CSMD1: variants seen among roughly 807,000 people sequenced by gnomAD.
CSMD1 encodes CUB and Sushi multiple domains 1, also known as CUB and sushi domain-containing protein 1.
A neutral mutation model predicts 417.5 loss-of-function variants in CSMD1; 213 were observed. The observed-to-expected ratio is 0.51, with a 90% CI of 0.46 to 0.57. The LOEUF is 0.57. Among genes scored for constraint, CSMD1 ranks in the 20% least tolerant of loss-of-function variants. CSMD1 has a pLI of 0.00. For missense variants in CSMD1, 6,923 were observed against 4,529.7 expected, an observed-to-expected ratio of 1.53 and a Z score of -15.17; for synonymous variants, 2,862 against 1,736.8, an observed-to-expected ratio of 1.65 and a Z score of -16.11.
chr8:4,312,451 G>GTA (rs1554526452), intron 3 of CSMD1, among the ~76,000 whole-genome samples: 8 of 107,568 alleles, frequency 7.4e-5, no homozygotes, highest in African/African-American at 4.6e-4. Flanking sequence ...ATATATATAC[G>GTA]TATATATATG....
rs1158185469 is a variant in CSMD1 at position 3,959,003 on chromosome 8, C to CG, written c.818+38899_818+38900insC. Among the ~76,000 whole-genome samples the CG allele has an allele frequency of 4.6e-5, 7 of 152,296 alleles. No homozygotes were observed. The East Asian group carries it at 1.4e-3, about 29-fold the overall frequency. ...TCTGGGCCTTCTCCCATGCGTCTCCCTCCTCCCTACTCTGCGGCGGCTTCT... is the reference window on the plus strand; with the variant it reads ...TCTGGGCCTTCTCCCATGCGTCTCCCGTCCTCCCTACTCTGCGGCGGCTTCT... On this transcript the variant is annotated intron_variant, in intron 5 of 69. Transcript: ENST00000635120.
In CSMD1 at chr8:4,131,892, A is replaced by G. The variant is rs551206131; in HGVS notation, c.416-99793T>C. On this transcript the variant is annotated intron_variant, in intron 3 of 69. Transcript: ENST00000635120. ...ATTCTCCTGCCTTAGTCTCCCATGT[A>G]GCTGGGACTACAGGTGCCCGCAACC... Among the ~76,000 whole-genome samples the G allele has an allele frequency of 1.6e-4, 24 of 149,264 alleles. 1 individual carries two copies. In the East Asian group the frequency reaches 4.8e-3, roughly 30 times the overall value.
chr8:3,558,003 T>C (rs900511477), intron 10 of CSMD1, among the ~76,000 whole-genome samples: 1 of 152,032 alleles, frequency 6.6e-6, no homozygotes, highest in Non-Finnish European at 1.5e-5. Context: ...GTACCCTGTG[T>C]CCACTCCTCC....
At chr8:4,271,509 G>A (rs948565918) in intron 3 of CSMD1, among the ~76,000 whole-genome samples, 1 of 151,404 alleles carries the variant, frequency 6.6e-6, no homozygotes, top group Non-Finnish European at 1.5e-5. Context: ...ATCAAAATCA[G>A]GAGATCTAAA....
In CSMD1 at chr8:3,223,232, C is replaced by G. The variant is rs1798315420; in HGVS notation, c.4484+497G>C. On this transcript the variant is annotated intron_variant, in intron 28 of 69. Transcript: ENST00000635120. The stretch of plus-strand genomic sequence containing the variant: ...AGTACAAGTTAGCATATTTTTAGGA[C>G]TGATATGTAGTAACTCAGACTTTAC... Among the ~76,000 whole-genome samples, 3 of 152,100 alleles carry G rather than the reference C, an allele frequency of 2.0e-5. No homozygotes were observed. In the South Asian group the frequency reaches 6.2e-4, roughly 31 times the overall value.
At chr8:3,867,723 T>G (rs112781545) in intron 5 of CSMD1, among the ~76,000 whole-genome samples, 4 of 152,246 alleles carry the variant, frequency 2.6e-5, no homozygotes, top group Admixed American at 2.6e-4. Flanking sequence ...TTAATAATAA[T>G]AGCTGCTTAT....
chr8:4,860,021 CAAT>C (rs1563610921), intron 1 of CSMD1, among the ~76,000 whole-genome samples: 1 of 152,000 alleles, frequency 6.6e-6, no homozygotes, highest in Non-Finnish European at 1.5e-5. Context: ...AAATGTCCAA[CAAT>C]GATAGACTGG....
At chr8:3,569,401 C>T (rs1228439247) in intron 10 of CSMD1, among the ~76,000 whole-genome samples, 4 of 151,988 alleles carry the variant, frequency 2.6e-5, no homozygotes, top group African/African-American at 9.7e-5. Flanking sequence ...ACAGTCAAAG[C>T]CGAGATAAGA....
chr8:4,140,441 T>G (rs1292156450), intron 3 of CSMD1, among the ~76,000 whole-genome samples: 1 of 150,872 alleles, frequency 6.6e-6, no homozygotes, highest in Non-Finnish European at 1.5e-5. Context: ...GAGGTTGCCG[T>G]GAGCCAAGAT....
chr8:4,120,233 C>T (rs1443094055), intron 3 of CSMD1, among the ~76,000 whole-genome samples: 1 of 152,060 alleles, frequency 6.6e-6, no homozygotes, highest in African/African-American at 2.4e-5. Context: ...TGGCTGACAG[C>T]CATGACTCCT....
At chr8:3,698,800 C>A (rs149588748) in intron 7 of CSMD1, among the ~76,000 whole-genome samples, 348 of 152,258 alleles carry the variant, frequency 2.3e-3, no homozygotes, top group Middle Eastern at 0.014. Flanking sequence ...ATCTGGTTAT[C>A]TGGAAAATTA....
chr8:3,428,416 A>T (rs1813993368), intron 12 of CSMD1, among the ~76,000 whole-genome samples: 1 of 152,210 alleles, frequency 6.6e-6, no homozygotes, highest in Non-Finnish European at 1.5e-5. Context: ...AAGAAATGGC[A>T]CGAGAAACGA....
chr8:3,780,053 A>T (rs1799094068), intron 5 of CSMD1, among the ~76,000 whole-genome samples: 1 of 152,242 alleles, frequency 6.6e-6, no homozygotes. Context: ...CTTTTGTGAG[A>T]AACATTCTTT....
At chr8:3,347,157 G>A (rs906152629) in intron 22 of CSMD1, among the ~76,000 whole-genome samples, 2 of 152,268 alleles carry the variant, frequency 1.3e-5, no homozygotes, top group African/African-American at 2.4e-5. Flanking sequence ...GCTGTGCTGG[G>A]CCGCATGTGG....
At chr8:4,608,971 C>G (rs1801024977) in intron 2 of CSMD1, among the ~76,000 whole-genome samples, 1 of 151,462 alleles carries the variant, frequency 6.6e-6, no homozygotes, top group South Asian at 2.1e-4. Context: ...TATACTTTTT[C>G]CTGCTGAGGT....
chr8:3,365,031 G>C (rs1434843434), intron 20 of CSMD1, among the ~76,000 whole-genome samples: 1 of 152,168 alleles, frequency 6.6e-6, no homozygotes, highest in East Asian at 1.9e-4. Flanking sequence ...TTTTTTTGGA[G>C]AAGTCTATTT....
chr8:3,847,473 G>T (rs1213310564), intron 5 of CSMD1, among the ~76,000 whole-genome samples: 2 of 152,092 alleles, frequency 1.3e-5, no homozygotes, highest in East Asian at 1.9e-4. Context: ...CCCTATACTT[G>T]CAAGGAGCTG....
chr8:4,738,738 A>C (rs1185191333), intron 1 of CSMD1, among the ~76,000 whole-genome samples: 1 of 152,222 alleles, frequency 6.6e-6, no homozygotes, highest in Non-Finnish European at 1.5e-5. Context: ...TATCATAATG[A>C]TTAATGGTAT....
chr8:3,592,923 G>T (rs774321303), intron 8 of CSMD1, among the ~76,000 whole-genome samples: 1 of 151,966 alleles, frequency 6.6e-6, no homozygotes, highest in African/African-American at 2.4e-5. Context: ...CCCACAGTGT[G>T]GAATCGATGA....
Sources: allele counts gnomAD v4.1 joint callset (sites outside exome capture counted in the v4.1 genomes callset), GRCh38; gene constraint gnomAD v4.1.1; transcripts MANE v1.5; gene names NCBI Gene and HGNC (gene_info 2026-07-23, HGNC 2026-07-21).